Variants in PXN observed in about 807,000 individuals in gnomAD.
PXN encodes paxillin.
PXN carries 61 observed loss-of-function variants against 103.6 expected under a neutral mutation model. The observed-to-expected ratio is 0.59, with a 90% CI of 0.48 to 0.73. PXN has a LOEUF of 0.73. PXN is among the 30% of genes least tolerant of loss of function. PXN has a pLI of 0.00. For missense variants in PXN, 1,274 were observed against 1,460.3 expected, an observed-to-expected ratio of 0.87 and a Z score of 2.08; for synonymous variants, 562 against 607.8, an observed-to-expected ratio of 0.92 and a Z score of 1.11.
Position 120,223,741 on chromosome 12 carries a change from C to A in PXN, c.333G>T (p.Val111=). ...QDSVGSPCSR[V]GEEEHVYSFP... is the part of the protein sequence containing the mutation. ...ACCTGTAGACGTGCTCCTCCTCACC[C>A]ACTCGGGAGCACGGAGAGCCAACAC... Residue 111 remains valine, a synonymous_variant, in exon 3 of 15, where the codon GTG becomes GTT. Transcript: ENST00000637617. 1 of 1,602,980 alleles carries A rather than the reference C, an allele frequency of 6.2e-7. No homozygotes were observed. Among genetic ancestry groups the A allele is most frequent in the Non-Finnish European group, 8.5e-7 (1 of 1,174,880 alleles).
rs751535227 is a variant in PXN, at chr12:120,216,849, C to T, written c.1984G>A (p.Val662Ile). The T allele has an allele frequency of 1.3e-5, 20 of 1,520,894 alleles. No individual in the cohort carries two copies. Among genetic ancestry groups the T allele is most frequent in the African/African-American group, 8.4e-5 (6 of 71,256 alleles). 94.2% of individuals were successfully genotyped at this position (1,520,894 alleles called of 1,614,324 possible). ...GGGCATCTCCTCGCCACCTTCTCTACGAGCTGCCCCCCGGCCCGCTTCCCA... is the reference window on the plus strand; with the variant it reads ...GGGCATCTCCTCGCCACCTTCTCTATGAGCTGCCCCCCGGCCCGCTTCCCA... ...PRGKRAGGQL[V>I]EKVVFPPGSP... The change falls in exon 8 of 15, where the codon GTA becomes ATA. Residue 662 changes from valine (V) to isoleucine (I), a missense_variant. Around this residue, in one of 2 missense-constraint regions of PXN, gnomAD observed 1,178 missense variants for 1,309.0 expected, o/e 0.90. Transcript: ENST00000637617. This position sits in a 1 kb window ranked among gnomAD's most constrained non-coding sequence, Gnocchi z 5.1.
In PXN at chr12:120,223,759, G is replaced by C. The variant is rs570450415; in HGVS notation, c.315C>G (p.Gly105=). 1 of 1,608,732 alleles carries C rather than the reference G, an allele frequency of 6.2e-7. No individual in the cohort carries two copies. Among genetic ancestry groups the C allele is most frequent in the African/African-American group, 1.3e-5 (1 of 74,986 alleles). ...CCTCACCCACTCGGGAGCACGGAGA[G>C]CCAACACTGTCCTGAGGGTTGGAGA... is the stretch of plus-strand genomic sequence containing the variant. The part of the protein sequence containing the change: ...SSVSNPQDSV[G]SPCSRVGEEE... The change falls in exon 3 of 15, where the codon GGC becomes GGG. Residue 105 remains glycine (G), a synonymous_variant. Coordinates refer to ENST00000637617, the MANE Select transcript of PXN (RefSeq NM_001385981.1).
In PXN at chr12:120,216,235, A is replaced by C; in HGVS notation, c.2301+38T>G. ...AGTGGGGGATGGCTCAGGCATTAGGACAGGGGACAGAAAGGGAGGGGCTCC... is the reference window on the plus strand; with the variant it reads ...AGTGGGGGATGGCTCAGGCATTAGGCCAGGGGACAGAAAGGGAGGGGCTCC... On this transcript the variant is annotated intron_variant, in intron 9 of 14. Coordinates refer to ENST00000637617, the MANE Select transcript of PXN (RefSeq NM_001385981.1). The surrounding 1 kb of genome is among the most constrained non-coding windows in gnomAD (Gnocchi z 5.1). 1 of 1,273,032 alleles carries C rather than the reference A, an allele frequency of 7.9e-7. No individual in the cohort carries two copies. The highest frequency in any genetic ancestry group is 9.9e-7 in the Non-Finnish European group (1 of 1,013,404). The allele number at this position is 1,273,032 out of a possible 1,614,324, so 78.9% of individuals were successfully genotyped here. A position where few individuals can be genotyped will look rare whatever the true frequency, so the allele number is the denominator to read the frequency against.
At position 120,265,594 on chromosome 12, in the gene PXN, C is replaced by T. The variant is rs1894589211; in HGVS notation, c.13+23G>A. 1.3e-6 allele frequency: 2 copies of T among 1,485,384 alleles called. No homozygotes were observed. The highest frequency in any genetic ancestry group is 3.0e-5 in the East Asian group (1 of 33,642). The allele number at this position is 1,485,384 out of a possible 1,614,324, so 92.0% of individuals were successfully genotyped here. A position where few individuals can be genotyped will look rare whatever the true frequency, so the allele number is the denominator to read the frequency against. ...AGCTGCGCGCCTCTCGCCTCCTCCT[C>T]CCTCGGCCTCCCGCTCACTCACCGA... is the stretch of plus-strand genomic sequence containing the variant. On this transcript the variant is annotated intron_variant, in intron 1 of 14. Transcript: ENST00000637617. The surrounding 1 kb of genome is among the most constrained non-coding windows in gnomAD (Gnocchi z 5.7).
Position 120,215,129 on chromosome 12 carries a change from C to T in PXN, c.2548G>A (p.Ala850Thr). ...VATVAKGVCG[A>T]CKKPIAGQVV... is the part of the protein sequence containing the mutation. Reference sequence around the variant, plus strand: ...TGCCCGGCGATGGGCTTCTTGCAGGCCCCGCAGACTCCTTTGGCGACTGTG... The same window carrying T: ...TGCCCGGCGATGGGCTTCTTGCAGGTCCCGCAGACTCCTTTGGCGACTGTG... The change falls in exon 11 of 15, where the codon GCC (alanine) becomes ACC (threonine). Residue 850 changes from alanine to threonine, a missense_variant. By Grantham distance (58) the Ala-to-Thr change is moderately conservative. Coordinates refer to ENST00000637617, the MANE Select transcript of PXN (RefSeq NM_001385981.1). This position sits in a 1 kb window ranked among gnomAD's most constrained non-coding sequence, Gnocchi z 4.9. The T allele has an allele frequency of 3.2e-6, 5 of 1,574,598 alleles. No individual in the cohort carries two copies. Among genetic ancestry groups the T allele is most frequent in the Non-Finnish European group, 4.3e-6 (5 of 1,157,944 alleles).
rs750358753 is a variant in PXN at position 120,216,692 on chromosome 12, G to T, written c.1993-111C>A. ...TGGGCCTTCCCACTCTGCACCAAGA[G>T]TGGGGCCAGTCTTCCAAAGTCACAG... On this transcript the variant is annotated intron_variant, in intron 8 of 14. Coordinates refer to ENST00000637617, the MANE Select transcript of PXN (RefSeq NM_001385981.1). The surrounding 1 kb of genome is among the most constrained non-coding windows in gnomAD (Gnocchi z 5.1). 6.3e-7 allele frequency: 1 copy of T among 1,592,274 alleles called. No homozygotes were observed. The highest frequency in any genetic ancestry group is 1.7e-5 in the Admixed American group (1 of 58,450).
chr12:120,224,045 G>T lies in PXN; in HGVS notation c.240+106C>A. The T allele has an allele frequency of 1.0e-6, 1 of 959,240 alleles. No individual in the cohort carries two copies. The highest frequency in any genetic ancestry group is 1.7e-5 in the South Asian group (1 of 59,630). 59.4% of individuals were successfully genotyped at this position (959,240 alleles called of 1,614,324 possible). A position where few individuals can be genotyped will look rare whatever the true frequency, so the allele number is the denominator to read the frequency against. On this transcript the variant is annotated intron_variant, in intron 2 of 14. Transcript: ENST00000637617. The surrounding 1 kb of genome is among the most constrained non-coding windows in gnomAD (Gnocchi z 5.0). ...GAGCAGTGTCTGGTTGGGAAGGGTC[G>T]ACTGCCCCAATTCCATTCCATCCCC...
At position 120,229,502 on chromosome 12, in the gene PXN, C is replaced by A. The variant is rs1887593468; in HGVS notation, c.14-5125G>T. Among the ~76,000 whole-genome samples, 2 of 152,202 alleles carry A rather than the reference C, an allele frequency of 1.3e-5. No individual in the cohort carries two copies. ...ACTTGTACGGTGAATCCTCAGTCAC[C>A]TGGGCTCTGCTCAATGGCTGAACTG... On this transcript the variant is annotated intron_variant, in intron 1 of 14. Coordinates refer to ENST00000637617, the MANE Select transcript of PXN (RefSeq NM_001385981.1). This position sits in a 1 kb window ranked among gnomAD's most constrained non-coding sequence, Gnocchi z 4.0.
chr12:120,257,016 TG>T (rs1302780774), intron 1 of PXN, among the ~76,000 whole-genome samples: 1 of 152,188 alleles, frequency 6.6e-6, no homozygotes, highest in Non-Finnish European at 1.5e-5. Context: ...CCACCGCGCC[TG>T]GCCTCAGTAG....
chr12:120,258,605 A>G (rs572520948), intron 1 of PXN, among the ~76,000 whole-genome samples: 1 of 152,296 alleles, frequency 6.6e-6, no homozygotes, highest in South Asian at 2.1e-4. Context: ...CTTTTCTCCA[A>G]CTTTTCATTA....
chr12:120,258,810 A>G (rs1046377083), intron 1 of PXN, among the ~76,000 whole-genome samples: 1 of 152,090 alleles, frequency 6.6e-6, no homozygotes, highest in Non-Finnish European at 1.5e-5. Flanking sequence ...CTGTAATCTC[A>G]GCACTTTGGG....
chr12:120,232,123 G>A (rs1039457299), intron 1 of PXN, among the ~76,000 whole-genome samples: 9 of 152,246 alleles, frequency 5.9e-5, no homozygotes, highest in Non-Finnish European at 1.0e-4. Context: ...TTGGGCTCAA[G>A]GGATCTTCCT....
In PXN at chr12:120,216,097, G is replaced by T. The variant is rs184939193; in HGVS notation, c.2301+176C>A. The T allele has an allele frequency of 7.7e-6, 10 of 1,294,072 alleles. No homozygotes were observed. In the Admixed American group the frequency reaches 3.7e-4, roughly 48 times the overall value. The allele number at this position is 1,294,072 out of a possible 1,614,324, so 80.2% of individuals were successfully genotyped here. A position where few individuals can be genotyped will look rare whatever the true frequency, so the allele number is the denominator to read the frequency against. On this transcript the variant is annotated intron_variant, in intron 9 of 14. Transcript: ENST00000637617. This position sits in a 1 kb window ranked among gnomAD's most constrained non-coding sequence, Gnocchi z 5.1. ...CAAGAGGGCAGCGGACCTTCTGAGT[G>T]GGGGAAGACCGGGGTCAAGGTTTAC... is the stretch of plus-strand genomic sequence containing the variant.
At chr12:120,234,767 G>A (rs1356052943) in intron 1 of PXN, among the ~76,000 whole-genome samples, 1 of 152,206 alleles carries the variant, frequency 6.6e-6, no homozygotes, top group Non-Finnish European at 1.5e-5. Flanking sequence ...GAAAAAGAAT[G>A]TGAGAGCCAT....
intron 1 of PXN, among the ~76,000 whole-genome samples, chr12:120,259,350 C>A (rs1307195540): frequency 6.6e-6 from 1 of 152,134 alleles, no homozygotes. Flanking sequence ...CAAGATCGCG[C>A]TGCTGCACTC....
In PXN at chr12:120,216,195, C is replaced by T. The variant is rs998655772; in HGVS notation, c.2301+78G>A. On this transcript the variant is annotated intron_variant, in intron 9 of 14. Transcript: ENST00000637617. The surrounding 1 kb of genome is among the most constrained non-coding windows in gnomAD (Gnocchi z 5.1). ...GGGTATCTGTGTATGTGTGTGTGCA[C>T]GTGTGTGTGTGCAGAGTGGGGGATG... is the stretch of plus-strand genomic sequence containing the variant. 22 of 1,267,432 alleles carry T rather than the reference C, an allele frequency of 1.7e-5. No homozygotes were observed. The highest frequency in any genetic ancestry group is 7.9e-6 in the Non-Finnish European group (8 of 1,009,930). 78.5% of individuals were successfully genotyped at this position (1,267,432 alleles called of 1,614,324 possible).
intron 1 of PXN, among the ~76,000 whole-genome samples, chr12:120,253,736 C>T (rs1360573557): frequency 1.3e-5 from 2 of 152,148 alleles, no homozygotes; most frequent in Admixed American, 6.5e-5. Flanking sequence ...TATATAGATA[C>T]AGTGAATTAT....
chr12:120,223,841 AAGG>A lies in PXN; in HGVS notation c.241-11_241-9del, dbSNP rs1886004934. The A allele has an allele frequency of 6.4e-7, 1 of 1,574,134 alleles. No individual in the cohort carries two copies. Among genetic ancestry groups the A allele is most frequent in the South Asian group, 1.1e-5 (1 of 87,262 alleles). The stretch of plus-strand genomic sequence containing the variant: ...AGGTGATGAGGACTGAGGCTGCGAG[AAGG>A]AGAATGCTCAGAGGCTACCCCGAGG... On this transcript the variant is annotated splice_polypyrimidine_tract_variant and intron_variant, in intron 2 of 14. Transcript: ENST00000637617.
At chr12:120,226,210 T>G in intron 1 of PXN, 1 of 1,254,350 alleles carries the variant, frequency 8.0e-7, no homozygotes, top group South Asian at 1.3e-5. Context: ...CAGCAATGGG[T>G]GGATCCCTCT....
Sources: gnomAD v4.1 joint callset for allele counts (sites outside exome capture counted in the v4.1 genomes callset) on GRCh38, gnomAD v4.1.1 for gene constraint, gnomAD v4.1.1 regional missense constraint, Gnocchi (gnomAD v3.1) non-coding constraint, MANE v1.5 for transcripts, NCBI Gene and HGNC (gene_info 2026-07-23, HGNC 2026-07-21) for gene names.